Variants in DPYD observed in about 807,000 individuals in gnomAD.
DPYD encodes the protein dihydropyrimidine dehydrogenase [NADP(+)].
A neutral mutation model predicts 116.2 loss-of-function variants in DPYD; 109 were observed. The ratio of observed to expected loss-of-function variants is 0.94; its 90% CI spans 0.80 to 1.10. The LOEUF (loss-of-function observed/expected upper bound fraction) is 1.10, where lower values mean the gene tolerates loss of function less well. Among genes scored for constraint, DPYD ranks in the 50% least tolerant of loss-of-function variants. The probability of loss-of-function intolerance (pLI) is 0.00; values close to 1 mark genes in which losing one functional copy is unlikely to be tolerated. For synonymous variants in DPYD, 440 were observed against 432.0 expected (o/e 1.02, Z -0.23); for missense variants, 1,302 against 1,254.5 (o/e 1.04, Z -0.57).
intron 11 of DPYD, among the ~76,000 whole-genome samples, chr1:97,572,760 A>G (rs1335841491): frequency 1.3e-5 from 2 of 152,046 alleles, no homozygotes; most frequent in Non-Finnish European, 2.9e-5. Flanking sequence ...GACATTAAAC[A>G]TCTGGATGTT....
intron 2 of DPYD, among the ~76,000 whole-genome samples, chr1:97,850,776 C>G (rs569960085): frequency 2.0e-5 from 3 of 151,470 alleles, no homozygotes; most frequent in Admixed American, 2.0e-4. Flanking sequence ...ACAAAAAAAC[C>G]ATCCAGCAAG....
At chr1:97,265,792 C>T (rs1664189622) in intron 18 of DPYD, among the ~76,000 whole-genome samples, 1 of 152,108 alleles carries the variant, frequency 6.6e-6, no homozygotes, top group African/African-American at 2.4e-5. Flanking sequence ...CTAACATGCT[C>T]AATTTCAAAC....
At chr1:97,850,722 G>A (rs972180169) in intron 2 of DPYD, among the ~76,000 whole-genome samples, 5 of 150,368 alleles carry the variant, frequency 3.3e-5, no homozygotes, top group Non-Finnish European at 5.9e-5. Flanking sequence ...TATAGAATTC[G>A]GTCACCTATT....
At chr1:97,709,962 A>C (rs941983455) in intron 5 of DPYD, among the ~76,000 whole-genome samples, 1 of 151,854 alleles carries the variant, frequency 6.6e-6, no homozygotes, top group African/African-American at 2.4e-5. Context: ...TGGAAATTTT[A>C]GAACATCTCT....
intron 2 of DPYD, among the ~76,000 whole-genome samples, chr1:97,834,030 C>CGTCT (rs1020132428): frequency 1.3e-5 from 2 of 152,012 alleles, no homozygotes; most frequent in Non-Finnish European, 2.9e-5. Context: ...TATGGCCCAA[C>CGTCT]GTCTATGTGC....
chr1:97,135,146 G>A (rs1449795686), intron 20 of DPYD, among the ~76,000 whole-genome samples: 2 of 152,042 alleles, frequency 1.3e-5, no homozygotes, highest in Non-Finnish European at 2.9e-5. Flanking sequence ...GTTCACTCGA[G>A]CATACTTCTT....
chr1:97,820,081 T>G (rs1208508769), intron 3 of DPYD, among the ~76,000 whole-genome samples: 1 of 152,128 alleles, frequency 6.6e-6, no homozygotes, highest in Non-Finnish European at 1.5e-5. Flanking sequence ...CTCGGAGTCA[T>G]GGTTCATGTA....
chr1:97,401,961 C>T (rs1483663697), intron 14 of DPYD, among the ~76,000 whole-genome samples: 1 of 152,030 alleles, frequency 6.6e-6, no homozygotes, highest in African/African-American at 2.4e-5. Flanking sequence ...TCTGGGATGT[C>T]TTTTTTGTTC....
intron 14 of DPYD, among the ~76,000 whole-genome samples, chr1:97,395,703 G>A (rs1267821170): frequency 1.3e-5 from 2 of 152,044 alleles, no homozygotes; most frequent in East Asian, 1.9e-4. Context: ...ACCTTTGGGT[G>A]TGCGCTGATT....
chr1:97,159,096 G>T (rs1655699849), intron 20 of DPYD, among the ~76,000 whole-genome samples: 2 of 152,040 alleles, frequency 1.3e-5, no homozygotes, highest in South Asian at 4.2e-4. Flanking sequence ...AATCAACAGG[G>T]ATCAGTCCTG....
chr1:97,160,969 A>T (rs1193724502), intron 20 of DPYD, among the ~76,000 whole-genome samples: 3 of 152,126 alleles, frequency 2.0e-5, no homozygotes, highest in African/African-American at 7.2e-5. Flanking sequence ...GCATGTTTAA[A>T]ACTTGGCTAA....
intron 19 of DPYD, among the ~76,000 whole-genome samples, chr1:97,206,820 C>T (rs1000290407): frequency 6.6e-6 from 1 of 150,382 alleles, no homozygotes; most frequent in Non-Finnish European, 1.5e-5. Context: ...CATCTATATA[C>T]ACACAATATT....
At chr1:97,216,935 C>G (rs1660443206) in intron 19 of DPYD, among the ~76,000 whole-genome samples, 2 of 152,002 alleles carry the variant, frequency 1.3e-5, no homozygotes, top group Non-Finnish European at 2.9e-5. Flanking sequence ...GGATCTGGCA[C>G]CGTGGCTCAT....
intron 2 of DPYD, chr1:97,856,753 G>A (rs1202730711): frequency 1.3e-5 from 2 of 152,306 alleles, no homozygotes; most frequent in African/African-American, 4.8e-5. Flanking sequence ...ACCCAGCCCA[G>A]GCTCAGGACT....
At chr1:97,671,614 T>C (rs900812306) in intron 8 of DPYD, among the ~76,000 whole-genome samples, 5 of 152,212 alleles carry the variant, frequency 3.3e-5, no homozygotes, top group African/African-American at 1.2e-4. Context: ...TTGCTTTTCA[T>C]TTCTTCCATT....
chr1:97,871,836 C>T (rs1164149428), intron 2 of DPYD, among the ~76,000 whole-genome samples: 1 of 151,714 alleles, frequency 6.6e-6, no homozygotes, highest in Non-Finnish European at 1.5e-5. Context: ...TGATGTGCTT[C>T]CATATGTAGT....
At chr1:97,838,906 A>C (rs1474858951) in intron 2 of DPYD, among the ~76,000 whole-genome samples, 1 of 152,222 alleles carries the variant, frequency 6.6e-6, no homozygotes, top group Non-Finnish European at 1.5e-5. Context: ...ACTGAAGTTA[A>C]CATAAACTTT....
intron 13 of DPYD, among the ~76,000 whole-genome samples, chr1:97,487,674 A>G (rs145420717): frequency 0.016 from 2,513 of 152,306 alleles, 68 homozygotes; most frequent in African/African-American, 0.058. Flanking sequence ...CTCTGTCTCA[A>G]AAAACAAAAC....
intron 18 of DPYD, among the ~76,000 whole-genome samples, chr1:97,283,483 TTAAAG>T (rs941410583): frequency 2.0e-5 from 3 of 152,110 alleles, no homozygotes; most frequent in African/African-American, 7.2e-5. Flanking sequence ...CTCTTAAATT[TTAAAG>T]TAATTTTATG....
Sources: gnomAD v4.1 joint callset for allele counts (sites outside exome capture counted in the v4.1 genomes callset) on GRCh38, gnomAD v4.1.1 for gene constraint, MANE v1.5 for transcripts, NCBI Gene and HGNC (gene_info 2026-07-23, HGNC 2026-07-21) for gene names.